ADCY8: variants seen among roughly 807,000 people sequenced by gnomAD.
The protein encoded by ADCY8 is adenylate cyclase 8.
ADCY8 carries 51 observed loss-of-function variants against 119.7 expected under a neutral mutation model. The observed-to-expected ratio is 0.43, with a 90% CI of 0.34 to 0.54. The LOEUF (loss-of-function observed/expected upper bound fraction) is 0.54, where lower values mean the gene tolerates loss of function less well. Among genes scored for constraint, ADCY8 ranks in the 20% least tolerant of loss-of-function variants. The pLI, the probability that ADCY8 is intolerant of heterozygous loss-of-function variation, is 0.03. For synonymous variants in ADCY8, 665 were observed against 651.0 expected (o/e 1.02, Z -0.33); for missense variants, 1,383 against 1,598.8 (o/e 0.87, Z 2.30).
intron 14 of ADCY8, among the ~76,000 whole-genome samples, chr8:130,809,601 G>T (rs1363390906): frequency 2.0e-5 from 3 of 152,124 alleles, no homozygotes; most frequent in Non-Finnish European, 4.4e-5. Flanking sequence ...GTCCTAGGAG[G>T]GTAAGAATTA....
intron 1 of ADCY8, among the ~76,000 whole-genome samples, chr8:131,006,305 C>T (rs78502429): frequency 0.022 from 3,286 of 152,208 alleles, 140 homozygotes; most frequent in African/African-American, 0.073. Flanking sequence ...TTCAGTAAAT[C>T]TTTGTTGACA....
chr8:130,849,290 C>T (rs1428911729), intron 10 of ADCY8, among the ~76,000 whole-genome samples: 1 of 152,158 alleles, frequency 6.6e-6, no homozygotes, highest in African/African-American at 2.4e-5. Context: ...CAGGTAGGTA[C>T]TGGTACTTGA....
At chr8:130,932,000 T>C (rs1820643543) in intron 5 of ADCY8, among the ~76,000 whole-genome samples, 1 of 152,204 alleles carries the variant, frequency 6.6e-6, no homozygotes, top group Admixed American at 6.5e-5. Context: ...ATTTCCCTGA[T>C]GATTTTTGAC....
chr8:130,833,460 A>G (rs889787884), intron 12 of ADCY8, among the ~76,000 whole-genome samples: 1 of 152,202 alleles, frequency 6.6e-6, no homozygotes, highest in Non-Finnish European at 1.5e-5. Context: ...AGCAATCTGA[A>G]ATTATTCTTC....
chr8:130,929,508 G>A (rs537084225), intron 5 of ADCY8, among the ~76,000 whole-genome samples: 54 of 152,206 alleles, frequency 3.5e-4, no homozygotes, highest in African/African-American at 1.3e-3. Context: ...TACTTTATAT[G>A]ATTTGAATCT....
chr8:131,040,462 A>G lies in ADCY8; in HGVS notation c.-129T>C, dbSNP rs1341988399. On this transcript the variant is annotated 5_prime_UTR_variant, in exon 1 of 18. Coordinates refer to ENST00000286355, the MANE Select transcript of ADCY8 (RefSeq NM_001115.3). ...TTTTTATCCTAGGCTGCCCCGTTGC[A>G]GGAGCCCTGCGCTAGGGCTCCCTGT... is the stretch of plus-strand genomic sequence containing the variant. 8.3e-7 allele frequency: 1 copy of G among 1,208,520 alleles called. No homozygotes were observed. The highest frequency in any genetic ancestry group is 1.1e-6 in the Non-Finnish European group (1 of 931,654). 74.9% of individuals were successfully genotyped at this position (1,208,520 alleles called of 1,614,324 possible). A position where few individuals can be genotyped will look rare whatever the true frequency, so the allele number is the denominator to read the frequency against.
intron 12 of ADCY8, among the ~76,000 whole-genome samples, chr8:130,825,336 G>A (rs972402896): frequency 7.2e-5 from 11 of 152,154 alleles, no homozygotes; most frequent in African/African-American, 2.7e-4. Context: ...CCTCTCTGTA[G>A]GAAGGACTGA....
chr8:130,857,517 TCTGGATTTTA>T (rs1172918040), intron 9 of ADCY8, among the ~76,000 whole-genome samples: 5 of 152,198 alleles, frequency 3.3e-5, no homozygotes, highest in African/African-American at 1.2e-4. Context: ...TTTCTCACTG[TCTGGATTTTA>T]CTGGTGTGTA....
chr8:130,836,649 T>A (rs999760478), intron 11 of ADCY8, among the ~76,000 whole-genome samples, 200 bp from the exon 12 acceptor site: 4 of 152,194 alleles, frequency 2.6e-5, no homozygotes, highest in African/African-American at 9.7e-5. Context: ...GGCATCACTA[T>A]TCATAGCATT....
intron 9 of ADCY8, among the ~76,000 whole-genome samples, chr8:130,857,634 T>C (rs920516869): frequency 2.0e-5 from 3 of 152,212 alleles, no homozygotes; most frequent in Non-Finnish European, 4.4e-5. Flanking sequence ...GGCAAGACCA[T>C]AGGTGGTGTG....
At chr8:130,808,167 T>A (rs1388156390) in intron 14 of ADCY8, among the ~76,000 whole-genome samples, 1 of 152,140 alleles carries the variant, frequency 6.6e-6, no homozygotes, top group African/African-American at 2.4e-5. Context: ...TATATTTATT[T>A]ATTTGCTTCA....
rs1427677926 is a variant in ADCY8, at chr8:130,782,144, G to A, written c.3269-1267C>T. Among the ~76,000 whole-genome samples the A allele has an allele frequency of 2.6e-5, 4 of 152,148 alleles. No homozygotes were observed. In the East Asian group the frequency reaches 7.7e-4, roughly 29 times the overall value. On this transcript the variant is annotated intron_variant, in intron 17 of 17. Coordinates refer to ENST00000286355, the MANE Select transcript of ADCY8 (RefSeq NM_001115.3). ...TTGAGCAGAGAATATGGTGGGAATA[G>A]CCATGCAGATATCTCGGTAAGATTA...
chr8:130,939,675 G>C (rs1467198869), intron 4 of ADCY8, among the ~76,000 whole-genome samples: 2 of 152,176 alleles, frequency 1.3e-5, no homozygotes, highest in Non-Finnish European at 2.9e-5. Flanking sequence ...CTGTATGTGG[G>C]TTTCAATTCC....
chr8:130,902,434 A>G lies in ADCY8; in HGVS notation c.1911+1338T>C, dbSNP rs186795018. ...CATAATAATTTTTGGGGGAAATTAA[A>G]CACTCACAAAAGAGCTGTCGAAGAC... On this transcript the variant is annotated intron_variant, in intron 7 of 17. Coordinates refer to ENST00000286355, the MANE Select transcript of ADCY8 (RefSeq NM_001115.3). 4.8e-3 allele frequency among the ~76,000 whole-genome samples: 732 copies of G among 152,342 alleles called. 16 individuals carry two copies. Among genetic ancestry groups the G allele is most frequent in the Non-Finnish European group, 2.1e-3 (145 of 68,036 alleles).
chr8:130,837,863 T>C (rs1817035861), intron 11 of ADCY8, among the ~76,000 whole-genome samples: 1 of 152,226 alleles, frequency 6.6e-6, no homozygotes, highest in South Asian at 2.1e-4. Flanking sequence ...CTGAGGTTCA[T>C]AGAGCTTAAG....
intron 5 of ADCY8, among the ~76,000 whole-genome samples, chr8:130,934,971 C>T (rs1405773709): frequency 6.6e-6 from 1 of 152,156 alleles, no homozygotes; most frequent in Non-Finnish European, 1.5e-5. Flanking sequence ...TTAAATGAGG[C>T]ATAAGGCCTC....
At chr8:130,907,142 G>T (rs1819814871) in intron 6 of ADCY8, among the ~76,000 whole-genome samples, 1 of 152,008 alleles carries the variant, frequency 6.6e-6, no homozygotes, top group African/African-American at 2.4e-5. Context: ...TTCAAAAATG[G>T]TGATCTTCAT....
At chr8:130,785,605 T>C (rs904849399) in intron 15 of ADCY8, 130 bp from the exon 16 acceptor site, 2 of 564,958 alleles carry the variant, frequency 3.5e-6, no homozygotes, top group African/African-American at 3.8e-5. Context: ...TATCTGCTTT[T>C]CTCTCTGAGA....
intron 11 of ADCY8, among the ~76,000 whole-genome samples, chr8:130,845,432 G>A (rs1817265913): frequency 1.3e-5 from 2 of 152,156 alleles, no homozygotes; most frequent in Admixed American, 1.3e-4. Flanking sequence ...TTACAGATGA[G>A]GAAACTGAGG....
Sources: gnomAD v4.1 joint callset for allele counts (sites outside exome capture counted in the v4.1 genomes callset) on GRCh38, gnomAD v4.1.1 for gene constraint, MANE v1.5 for transcripts, NCBI Gene and HGNC (gene_info 2026-07-23, HGNC 2026-07-21) for gene names.